The following SLCO5A1 variants were observed in gnomAD, a reference collection of about 807,000 sequenced individuals.
SLCO5A1 encodes solute carrier organic anion transporter family member 5A1.
A neutral mutation model predicts 65.1 loss-of-function variants in SLCO5A1; 39 were observed. The observed-to-expected ratio is 0.60, with a 90% confidence interval of 0.46 to 0.78. The LOEUF (loss-of-function observed/expected upper bound fraction) is 0.78, where lower values mean the gene tolerates loss of function less well. SLCO5A1 is among the 30% of genes least tolerant of loss of function. The pLI is 0.00. For missense variants in SLCO5A1, 1,029 were observed against 1,069.4 expected, an observed-to-expected ratio of 0.96 and a Z score of 0.53; for synonymous variants, 438 against 415.7, an observed-to-expected ratio of 1.05 and a Z score of -0.65.
Position 69,672,989 on chromosome 8 carries a change from G to A in SLCO5A1, c.2427C>T (p.Gly809=). Reference sequence around the variant, plus strand: ...CTGCGCACTGGATCCCTTTTTGCAGGCCAGTCTCTTCGTGGAATTCTCCCT... The same window carrying A: ...CTGCGCACTGGATCCCTTTTTGCAGACCAGTCTCTTCGTGGAATTCTCCCT... ...STQGEFHEET[G]LQKGIQCAAQ... Residue 809 remains glycine (G), a synonymous_variant, in exon 10 of 10, where the codon GGC becomes GGT. Transcript: ENST00000260126. 1.2e-6 allele frequency: 2 copies of A among 1,614,174 alleles called. No homozygotes were observed. The highest frequency in any genetic ancestry group is 1.7e-6 in the Non-Finnish European group (2 of 1,180,034).
intron 5 of SLCO5A1, among the ~76,000 whole-genome samples, chr8:69,710,378 G>C (rs772065063): frequency 6.6e-6 from 1 of 152,022 alleles, no homozygotes; most frequent in African/African-American, 2.4e-5. Flanking sequence ...CTGCTCTATA[G>C]TGCACAGCAC....
intron 2 of SLCO5A1, among the ~76,000 whole-genome samples, chr8:69,777,745 T>C (rs1416973791): frequency 6.6e-6 from 1 of 152,216 alleles, no homozygotes; most frequent in Non-Finnish European, 1.5e-5. Context: ...CCCGACGCTG[T>C]TTATGCTACC....
intron 2 of SLCO5A1, among the ~76,000 whole-genome samples, chr8:69,790,191 C>CAAAAA (rs374635955): frequency 1.9e-5 from 1 of 53,718 alleles, no homozygotes; most frequent in Non-Finnish European, 4.2e-5. Context: ...GACTCCTTCT[C>CAAAAA]AAAAAAAAAA....
At chr8:69,730,882 TG>T (rs889035372) in intron 5 of SLCO5A1, among the ~76,000 whole-genome samples, 2 of 152,120 alleles carry the variant, frequency 1.3e-5, no homozygotes, top group African/African-American at 4.8e-5. Flanking sequence ...CAGGAATCTA[TG>T]GGGCCAAGAA....
intron 4 of SLCO5A1, among the ~76,000 whole-genome samples, chr8:69,741,684 T>C (rs1433125536): frequency 5.9e-5 from 9 of 152,250 alleles, no homozygotes; most frequent in Admixed American, 5.2e-4. Flanking sequence ...TCTGCTCCTA[T>C]GTACTGAGCA....
At chr8:69,695,180 G>T (rs1814443240) in intron 6 of SLCO5A1, among the ~76,000 whole-genome samples, 1 of 152,174 alleles carries the variant, frequency 6.6e-6, no homozygotes, top group South Asian at 2.1e-4. Flanking sequence ...ACAAATGTTT[G>T]TTTAAAATAT....
At chr8:69,767,918 G>C (rs200733582) in intron 2 of SLCO5A1, among the ~76,000 whole-genome samples, 4 of 128,532 alleles carry the variant, frequency 3.1e-5, no homozygotes, top group East Asian at 2.2e-4. Context: ...AAAACAAAAA[G>C]AAAAAGAAAA....
chr8:69,737,945 A>C, intron 5 of SLCO5A1, 95 bp downstream of exon 5: 1 of 1,369,590 alleles, frequency 7.3e-7, no homozygotes, highest in East Asian at 2.4e-5. Context: ...GAACTAGCTT[A>C]ACACTTCGAT....
intron 2 of SLCO5A1, among the ~76,000 whole-genome samples, chr8:69,762,552 G>T (rs530396124): frequency 1.6e-4 from 24 of 151,864 alleles, no homozygotes; most frequent in Non-Finnish European, 3.4e-4. Context: ...TAGAAATAGA[G>T]ACCCAGGCTA....
chr8:69,672,983 T>C lies in SLCO5A1; in HGVS notation c.2433A>G (p.Gln811=). ...TCTGTGCTGCGCACTGGATCCCTTT[T>C]TGCAGGCCAGTCTCTTCGTGGAATT... is the stretch of plus-strand genomic sequence containing the variant. ...QGEFHEETGL[Q]KGIQCAAQTY... is the part of the protein sequence containing the mutation. Residue 811 remains glutamine (Q), a synonymous_variant, in exon 10 of 10, where the codon CAA becomes CAG. Transcript: ENST00000260126. 1 of 1,614,224 alleles carries C rather than the reference T, an allele frequency of 6.2e-7. No homozygotes were observed. Among genetic ancestry groups the C allele is most frequent in the Non-Finnish European group, 8.5e-7 (1 of 1,180,030 alleles).
intron 4 of SLCO5A1, among the ~76,000 whole-genome samples, chr8:69,750,415 G>A (rs756956426): frequency 6.6e-6 from 1 of 151,762 alleles, no homozygotes; most frequent in Admixed American, 6.6e-5. Context: ...ACCAAACACC[G>A]ACTCAAACCT....
At chr8:69,780,690 G>A (rs1470241312) in intron 2 of SLCO5A1, among the ~76,000 whole-genome samples, 1 of 151,986 alleles carries the variant, frequency 6.6e-6, no homozygotes, top group Non-Finnish European at 1.5e-5. Context: ...TTACTTAATG[G>A]GTACAATGTA....
chr8:69,786,326 G>T (rs1265929939), intron 2 of SLCO5A1, among the ~76,000 whole-genome samples: 1 of 152,080 alleles, frequency 6.6e-6, no homozygotes, highest in South Asian at 2.1e-4. Context: ...GATTTATCAT[G>T]ATCTTATAAA....
chr8:69,718,486 T>A (rs1815661149), intron 5 of SLCO5A1, among the ~76,000 whole-genome samples: 1 of 152,174 alleles, frequency 6.6e-6, no homozygotes, highest in African/African-American at 2.4e-5. Context: ...GGAGAAACAA[T>A]CCAGTCTGTC....
In SLCO5A1 at chr8:69,671,053, A is replaced by G. The variant is rs1402542972; in HGVS notation, c.*1816T>C. The G allele has an allele frequency of 6.6e-6, 1 of 152,282 alleles. No homozygotes were observed. Among genetic ancestry groups the G allele is most frequent in the Non-Finnish European group, 1.5e-5 (1 of 68,094 alleles). 9.4% of individuals were successfully genotyped at this position (152,282 alleles called of 1,614,324 possible). A position where few individuals can be genotyped will look rare whatever the true frequency, so the allele number is the denominator to read the frequency against. ...ACCAGTGCAATTACAGTCTTAACCAAGCAAGAATCCTCACCTCCCCGAGAG... is the reference window on the plus strand; with the variant it reads ...ACCAGTGCAATTACAGTCTTAACCAGGCAAGAATCCTCACCTCCCCGAGAG... On this transcript the variant is annotated 3_prime_UTR_variant, in exon 10 of 10. Transcript: ENST00000260126.
chr8:69,695,431 G>A (rs1280762680), intron 6 of SLCO5A1, among the ~76,000 whole-genome samples: 1 of 152,080 alleles, frequency 6.6e-6, no homozygotes, highest in African/African-American at 2.4e-5. Flanking sequence ...AGGGGGCGGA[G>A]GTTGCAGTGA....
At chr8:69,786,636 T>C (rs2130888468) in intron 2 of SLCO5A1, among the ~76,000 whole-genome samples, 1 of 152,304 alleles carries the variant, frequency 6.6e-6, no homozygotes, top group South Asian at 2.1e-4. Context: ...TTTCATGATT[T>C]GGCAAATGTG....
intron 5 of SLCO5A1, among the ~76,000 whole-genome samples, chr8:69,731,573 C>T (rs1344546960): frequency 6.6e-6 from 1 of 152,194 alleles, no homozygotes; most frequent in East Asian, 1.9e-4. Flanking sequence ...TAAAGAGAAG[C>T]TGAGTGTTCT....
chr8:69,683,244 C>G (rs1813858476), intron 6 of SLCO5A1, among the ~76,000 whole-genome samples: 1 of 152,168 alleles, frequency 6.6e-6, no homozygotes, highest in Non-Finnish European at 1.5e-5. Context: ...ACCGCTTTTG[C>G]TTTTGTGACC....
Sources: allele counts gnomAD v4.1 joint callset (sites outside exome capture counted in the v4.1 genomes callset), GRCh38; gene constraint gnomAD v4.1.1; transcripts MANE v1.5; gene names NCBI Gene and HGNC (gene_info 2026-07-23, HGNC 2026-07-21).